Variants in EDDM3A observed in about 807,000 individuals in gnomAD.
The protein encoded by EDDM3A is epididymal secretory protein E3-alpha.
For missense variants in EDDM3A, 199 were observed against 177.4 expected, an observed-to-expected ratio of 1.12 and a Z score of -0.69; for synonymous variants, 75 against 60.4, an observed-to-expected ratio of 1.24 and a Z score of -1.12.
chr14:20,741,605 C>T (rs1566347183), upstream of EDDM3A, among the ~76,000 whole-genome samples: 1 of 152,108 alleles, frequency 6.6e-6, no homozygotes, highest in African/African-American at 2.4e-5. Context: ...CAACTACAGA[C>T]AGGAAGGCCA....
At chr14:20,736,533 T>C in the EDDM3A span, among the ~76,000 whole-genome samples, 3 of 152,226 alleles carry the variant, frequency 2.0e-5, no homozygotes, top group Non-Finnish European at 4.4e-5. Flanking sequence ...CAGAGCTGAC[T>C]GGGTATAAAA....
At chr14:20,741,980 A>C (rs1256915746), upstream of EDDM3A, among the ~76,000 whole-genome samples, 1 of 152,236 alleles carries the variant, frequency 6.6e-6, no homozygotes, top group East Asian at 1.9e-4. Flanking sequence ...CAACTGTGAC[A>C]GACTTGCCTA....
chr14:20,747,739 C>T lies in EDDM3A; in HGVS notation c.159C>T (p.Leu53=), dbSNP rs201068715. ...REFKEYKCDV[L]MREKEALKGK... ...TCAAAGAGTACAAATGTGATGTCCT[C>T]ATGAGAGAAAAAGAGGCTCTGAAAG... Residue 53 remains leucine (L), a synonymous_variant, in exon 2 of 2, where the codon CTC becomes CTT. Coordinates refer to ENST00000326842, the MANE Select transcript of EDDM3A (RefSeq NM_006683.5). 29 of 1,613,966 alleles carry T rather than the reference C, an allele frequency of 1.8e-5. No individual in the cohort carries two copies. The highest frequency in any genetic ancestry group is 2.4e-5 in the Non-Finnish European group (28 of 1,180,012).
chr14:20,748,330 C>T lies in EDDM3A; in HGVS notation c.*306C>T, dbSNP rs548499888. The T allele has an allele frequency of 7.1e-5, 18 of 252,216 alleles. No individual in the cohort carries two copies. Among genetic ancestry groups the T allele is most frequent in the Non-Finnish European group, 1.4e-4 (17 of 123,394 alleles). The allele number at this position is 252,216 out of a possible 1,614,324, so 15.6% of individuals were successfully genotyped here. A position where few individuals can be genotyped will look rare whatever the true frequency, so the allele number is the denominator to read the frequency against. On this transcript the variant is annotated 3_prime_UTR_variant, in exon 2 of 2. Coordinates refer to ENST00000326842, the MANE Select transcript of EDDM3A (RefSeq NM_006683.5). Reference sequence around the variant, plus strand: ...TGATATTGACTCTCTTTATACCTACCCAAGCTGAACGACCCTCCTTTTCTT... The same window carrying T: ...TGATATTGACTCTCTTTATACCTACTCAAGCTGAACGACCCTCCTTTTCTT...
At chr14:20,739,432 T>C in the EDDM3A span, among the ~76,000 whole-genome samples, 3 of 152,224 alleles carry the variant, frequency 2.0e-5, no homozygotes, top group Non-Finnish European at 4.4e-5. Flanking sequence ...TCCTCTTTTG[T>C]GGACCTTATA....
chr14:20,747,416 T>G, intron 1 of EDDM3A, 139 bp from the exon 2 acceptor site: 1 of 599,174 alleles, frequency 1.7e-6, no homozygotes, highest in Non-Finnish European at 2.9e-6. Flanking sequence ...TATTCTTTAA[T>G]GAGAATCATC....
At chr14:20,747,190 G>A (rs535548572) in intron 1 of EDDM3A, among the ~76,000 whole-genome samples, 3 of 143,636 alleles carry the variant, frequency 2.1e-5, no homozygotes, top group South Asian at 2.2e-4. Context: ...CGCAACCTCC[G>A]CCTCCCAGGT....
the EDDM3A span, among the ~76,000 whole-genome samples, chr14:20,738,012 G>A: frequency 6.6e-6 from 1 of 152,218 alleles, no homozygotes; most frequent in Non-Finnish European, 1.5e-5. Context: ...TGAGGTGACT[G>A]CGCACTTTTT....
chr14:20,738,313 A>T, the EDDM3A span, among the ~76,000 whole-genome samples: 2 of 152,060 alleles, frequency 1.3e-5, no homozygotes, highest in Non-Finnish European at 2.9e-5. Context: ...CTCTACAAAA[A>T]TACAAAAATT....
the EDDM3A span, among the ~76,000 whole-genome samples, chr14:20,738,702 G>C: frequency 1.3e-5 from 2 of 152,142 alleles, no homozygotes; most frequent in Non-Finnish European, 2.9e-5. Flanking sequence ...GTGGTAACAT[G>C]TGTATCTCAC....
At chr14:20,740,549 G>C in the EDDM3A span, among the ~76,000 whole-genome samples, 10 of 152,158 alleles carry the variant, frequency 6.6e-5, no homozygotes, top group African/African-American at 2.4e-4. Context: ...CTTCACAAAG[G>C]GCCCTGCTCA....
chr14:20,747,473 C>A, intron 1 of EDDM3A, 82 bp from the exon 2 acceptor site: 1 of 824,924 alleles, frequency 1.2e-6, no homozygotes, highest in African/African-American at 1.7e-5. Flanking sequence ...CAAGTACCTG[C>A]TTGGCAGGGA....
At chr14:20,742,590 T>C (rs982988979), upstream of EDDM3A, among the ~76,000 whole-genome samples, 8 of 152,088 alleles carry the variant, frequency 5.3e-5, no homozygotes, top group African/African-American at 7.2e-5. Flanking sequence ...TAGTTTTTGT[T>C]ATGTTTGTTT....
chr14:20,747,229 G>A (rs183866650), intron 1 of EDDM3A, among the ~76,000 whole-genome samples: 85 of 151,108 alleles, frequency 5.6e-4, no homozygotes, highest in African/African-American at 1.5e-3. Flanking sequence ...TCAGCCTCTC[G>A]AGTAGCTGGG....
At chr14:20,736,363 G>A in the EDDM3A span, among the ~76,000 whole-genome samples, 1 of 152,090 alleles carries the variant, frequency 6.6e-6, no homozygotes, top group African/African-American at 2.4e-5. Flanking sequence ...TCCCACCTCG[G>A]CCTCCCAAAG....
chr14:20,739,761 T>C, the EDDM3A span, among the ~76,000 whole-genome samples: 12 of 152,338 alleles, frequency 7.9e-5, no homozygotes, highest in South Asian at 1.5e-3. Flanking sequence ...GGAAAAATTA[T>C]AGTTACACAT....
the EDDM3A span, among the ~76,000 whole-genome samples, chr14:20,738,478 T>TA: frequency 8.7e-6 from 1 of 114,376 alleles, no homozygotes; most frequent in East Asian, 2.9e-4. Context: ...TCAAAATAAA[T>TA]AAATAAATAA....
chr14:20,740,125 G>A, the EDDM3A span, among the ~76,000 whole-genome samples: 3 of 152,166 alleles, frequency 2.0e-5, no homozygotes, highest in Non-Finnish European at 2.9e-5. Context: ...AAACCTCTTG[G>A]AGAGGTGGAT....
At chr14:20,744,002 C>T (rs1465853406), upstream of EDDM3A, among the ~76,000 whole-genome samples, 1 of 152,124 alleles carries the variant, frequency 6.6e-6, no homozygotes, top group Non-Finnish European at 1.5e-5. Flanking sequence ...CATACATTGG[C>T]TCAGGTGGCT....
Sources: gnomAD v4.1 joint callset for allele counts (sites outside exome capture counted in the v4.1 genomes callset) on GRCh38, gnomAD v4.1.1 for gene constraint, MANE v1.5 for transcripts, NCBI Gene and HGNC (gene_info 2026-07-23, HGNC 2026-07-21) for gene names.